The following DOC2B variants were observed in gnomAD, a reference collection of about 807,000 sequenced individuals.
DOC2B encodes the protein double C2-like domain-containing protein beta.
In DOC2B, 21 loss-of-function variants were observed where a neutral mutation model predicts 28.9. That is an observed-to-expected ratio of 0.73 (90% CI 0.52 to 1.05). The LOEUF (loss-of-function observed/expected upper bound fraction) is 1.05, where lower values mean the gene tolerates loss of function less well. Among genes scored for constraint, DOC2B ranks in the 50% least tolerant of loss-of-function variants. The probability of loss-of-function intolerance (pLI) is 0.00; values close to 1 mark genes in which losing one functional copy is unlikely to be tolerated. For synonymous variants in DOC2B, 194 were observed against 178.1 expected, an observed-to-expected ratio of 1.09 and a Z score of -0.71; for missense variants, 384 against 421.1, an observed-to-expected ratio of 0.91 and a Z score of 0.77.
At chr17:160,224 C>G (rs1228815852) in intron 5 of DOC2B, among the ~76,000 whole-genome samples, 1 of 152,146 alleles carries the variant, frequency 6.6e-6, no homozygotes, top group African/African-American at 2.4e-5. Context: ...CCTCATGACC[C>G]ACCTGCCTTG....
chr17:152,960 GC>G (rs1555521947), intron 6 of DOC2B, among the ~76,000 whole-genome samples: 1 of 152,064 alleles, frequency 6.6e-6, no homozygotes, highest in Non-Finnish European at 1.5e-5. Context: ...TCTAATCTGT[GC>G]CCTTATTTCC....
rs773979509 is a variant in DOC2B, at chr17:172,528, G to A, written c.453+9C>T. On this transcript the variant is annotated intron_variant, in intron 2 of 8. Transcript: ENST00000613549. ...GCAGGGAATTTGGGGGCAGGCTGGC[G>A]GGGCCTACCTTGGCCTTGGTGATGG... 2.4e-5 allele frequency: 37 copies of A among 1,549,774 alleles called. No homozygotes were observed. The highest frequency in any genetic ancestry group is 7.9e-5 in the Admixed American group (4 of 50,936).
rs2040025770 is a variant in DOC2B, at chr17:147,220, A to G, written c.*221T>C. ...TTCCACCACCGGCCTCTTGGGCCCC[A>G]GAGAGCTGAGAGCCCCCCACCCCAG... On this transcript the variant is annotated 3_prime_UTR_variant, in exon 9 of 9. Transcript: ENST00000613549. 5 of 389,630 alleles carry G rather than the reference A, an allele frequency of 1.3e-5. No individual in the cohort carries two copies. Among genetic ancestry groups the G allele is most frequent in the Middle Eastern group, 6.3e-4 (1 of 1,578 alleles). 24.1% of individuals were successfully genotyped at this position (389,630 alleles called of 1,614,324 possible).
rs947030970 is a variant in DOC2B at position 149,113 on chromosome 17, C to T, written c.1003G>A (p.Glu335Lys). 5 of 399,452 alleles carry T rather than the reference C, an allele frequency of 1.3e-5. No individual in the cohort carries two copies. Among genetic ancestry groups the T allele is most frequent in the African/African-American group, 4.1e-5 (2 of 48,604 alleles). The allele number at this position is 399,452 out of a possible 1,614,324, so 24.7% of individuals were successfully genotyped here. Residue 335 changes from glutamate (E) to lysine (K), a missense_variant and splice_region_variant, in exon 7 of 9, where the codon GAG (glutamate) becomes AAG (lysine). Transcript: ENST00000613549. Reference protein sequence around the residue: ...KKKTLNPEFNEEFCYEIKHGD... With the variant: ...KKKTLNPEFNKEFCYEIKHGD... ...GAAGCTTCACCAGCCCCTCATACCTCATTAAACTCCGGGTTCAGGGTTTTT... is the reference window on the plus strand; with the variant it reads ...GAAGCTTCACCAGCCCCTCATACCTTATTAAACTCCGGGTTCAGGGTTTTT...
chr17:162,391 C>A (rs1051041435), intron 3 of DOC2B, among the ~76,000 whole-genome samples: 2 of 151,972 alleles, frequency 1.3e-5, no homozygotes, highest in Admixed American at 6.6e-5. Context: ...GTTGGGTGGC[C>A]CAATGTGGTC....
chr17:166,023 C>T (rs893737343), intron 2 of DOC2B, among the ~76,000 whole-genome samples: 2 of 152,190 alleles, frequency 1.3e-5, no homozygotes, highest in Non-Finnish European at 2.9e-5. Flanking sequence ...CCCCGAGACA[C>T]CCGTGGGAGC....
chr17:180,101 G>A (rs572619116), intron 1 of DOC2B, among the ~76,000 whole-genome samples: 1 of 152,372 alleles, frequency 6.6e-6, no homozygotes, highest in African/African-American at 2.4e-5. Flanking sequence ...GCCACATCCC[G>A]GGAAGGGCTG....
chr17:161,414 C>A lies in DOC2B; in HGVS notation c.765+1G>T. 6.4e-7 allele frequency: 1 copy of A among 1,551,666 alleles called. No homozygotes were observed. The highest frequency in any genetic ancestry group is 8.7e-7 in the Non-Finnish European group (1 of 1,146,970). Reference sequence around the variant, plus strand: ...AGCAGGTGCTCAATCAATCCTCTCACCGGCAGCTGCTTCTCCAGGCAGATG... The same window carrying A: ...AGCAGGTGCTCAATCAATCCTCTCAACGGCAGCTGCTTCTCCAGGCAGATG... On this transcript the variant is annotated splice_donor_variant, in intron 5 of 8. Transcript: ENST00000613549. LOFTEE classifies it high-confidence loss of function.
At chr17:172,472 C>T in intron 2 of DOC2B, 65 bp downstream of exon 2, 2 of 1,398,744 alleles carry the variant, frequency 1.4e-6, no homozygotes, top group East Asian at 2.5e-5. Context: ...GGTCTGGCCT[C>T]CCTGACCTAG....
At chr17:163,588 G>A (rs1310315687) in intron 3 of DOC2B, 1 of 152,682 alleles carries the variant, frequency 6.5e-6, no homozygotes, top group Non-Finnish European at 1.5e-5. Flanking sequence ...TCCTGTCCGA[G>A]ATGCACCTGT....
Position 147,498 on chromosome 17 carries a change from G to A in DOC2B, c.1182C>T (p.Arg394=), listed in dbSNP as rs1366170641. The A allele has an allele frequency of 2.5e-6, 1 of 398,668 alleles. No homozygotes were observed. The highest frequency in any genetic ancestry group is 2.1e-5 in the African/African-American group (1 of 48,652). The allele number at this position is 398,668 out of a possible 1,614,324, so 24.7% of individuals were successfully genotyped here. The change falls in exon 9 of 9, where the codon CGC becomes CGT. Residue 394 remains arginine (R), a synonymous_variant. Transcript: ENST00000613549. ...TGGTGAGCGTGTGCCAGCGCTCGAT[G>A]CGCTTGTCCTTGTTCTTCAGGCAGT... The part of the protein sequence containing the change: ...WFDCLKNKDK[R]IERWHTLTSE...
chr17:181,441 G>T lies in DOC2B; in HGVS notation c.39C>A (p.Ser13Arg), dbSNP rs1389948746. Residue 13 changes from serine to arginine, a missense_variant, in exon 1 of 9, where the codon AGC (serine) becomes AGA (arginine). Transcript: ENST00000613549. This position sits in a 1 kb window ranked among gnomAD's most constrained non-coding sequence, Gnocchi z 7.0. Reference protein sequence around the residue: ...LRRRGEKATISIQEHMAIDVC... With the variant: ...LRRRGEKATIRIQEHMAIDVC... ...CGTCGATGGCCATATGCTCCTGGAT[G>T]CTGATGGTCGCCTTCTCCCCGCGCC... The T allele has an allele frequency of 1.2e-5, 14 of 1,161,934 alleles. No homozygotes were observed. Among genetic ancestry groups the T allele is most frequent in the Non-Finnish European group, 1.5e-5 (14 of 929,720 alleles). The allele number at this position is 1,161,934 out of a possible 1,614,324, so 72.0% of individuals were successfully genotyped here.
chr17:181,595 C>T lies in DOC2B; in HGVS notation c.-116G>A, dbSNP rs967607210. 2.2e-5 allele frequency: 8 copies of T among 371,324 alleles called. No individual in the cohort carries two copies. Among genetic ancestry groups the T allele is most frequent in the African/African-American group, 1.3e-4 (6 of 45,006 alleles). 23.0% of individuals were successfully genotyped at this position (371,324 alleles called of 1,614,324 possible). ...GGCTGCGGGCATCGCCGGCCGCGCCCCCGGACGGCCCTGACTTGGCCGCTG... is the reference window on the plus strand; with the variant it reads ...GGCTGCGGGCATCGCCGGCCGCGCCTCCGGACGGCCCTGACTTGGCCGCTG... On this transcript the variant is annotated 5_prime_UTR_variant, in exon 1 of 9. Transcript: ENST00000613549. This position sits in a 1 kb window ranked among gnomAD's most constrained non-coding sequence, Gnocchi z 7.0.
At position 181,088 on chromosome 17, in the gene DOC2B, C is replaced by A; in HGVS notation, c.373+19G>T. 1 of 1,236,452 alleles carries A rather than the reference C, an allele frequency of 8.1e-7. No homozygotes were observed. Among genetic ancestry groups the A allele is most frequent in the South Asian group, 3.1e-5 (1 of 31,844 alleles). 76.6% of individuals were successfully genotyped at this position (1,236,452 alleles called of 1,614,324 possible). ...CGAGCCAGGGGAGGGGGCGCGAAGTCGGCGCGTGGGAAACTTACTGCAGTC... is the reference window on the plus strand; with the variant it reads ...CGAGCCAGGGGAGGGGGCGCGAAGTAGGCGCGTGGGAAACTTACTGCAGTC... On this transcript the variant is annotated intron_variant, in intron 1 of 8. Coordinates refer to ENST00000613549, the MANE Select transcript of DOC2B (RefSeq NM_003585.5). The surrounding 1 kb of genome is among the most constrained non-coding windows in gnomAD (Gnocchi z 7.0).
At chr17:176,228 C>G (rs995742617) in intron 1 of DOC2B, among the ~76,000 whole-genome samples, 1 of 151,130 alleles carries the variant, frequency 6.6e-6, no homozygotes, top group African/African-American at 2.4e-5. Flanking sequence ...GGGTCTTGTT[C>G]TGTTACCCAG....
chr17:160,090 T>A lies in DOC2B; in HGVS notation c.765+1325A>T, dbSNP rs957592251. 2.0e-5 allele frequency among the ~76,000 whole-genome samples: 3 copies of A among 151,352 alleles called. No homozygotes were observed. In the South Asian group the frequency reaches 6.3e-4, roughly 32 times the overall value. ...ACCTCCGCCTCTCAGGTTCAAGCGA[T>A]TCTCCTGCCTCAGCCTCCTGAGTAG... On this transcript the variant is annotated intron_variant, in intron 5 of 8. Transcript: ENST00000613549.
intron 2 of DOC2B, among the ~76,000 whole-genome samples, chr17:170,077 T>C (rs2040294409): frequency 1.3e-5 from 2 of 151,822 alleles, no homozygotes; most frequent in African/African-American, 4.8e-5. Flanking sequence ...TTGGCCAGAG[T>C]GGCCTGGCAG....
intron 3 of DOC2B, chr17:163,870 T>A (rs2040231585): frequency 2.3e-6 from 1 of 430,632 alleles, no homozygotes. Flanking sequence ...TCTCCAGGGG[T>A]TTCCCCAGAT....
chr17:170,498 G>C (rs1276890249), intron 2 of DOC2B, among the ~76,000 whole-genome samples: 1 of 152,066 alleles, frequency 6.6e-6, no homozygotes, highest in South Asian at 2.1e-4. Context: ...GGGGCAGGGG[G>C]CCTGCAGGTT....
Sources: gnomAD v4.1 joint callset for allele counts (sites outside exome capture counted in the v4.1 genomes callset) on GRCh38, gnomAD v4.1.1 for gene constraint, Gnocchi (gnomAD v3.1) non-coding constraint, MANE v1.5 for transcripts, NCBI Gene and HGNC (gene_info 2026-07-23, HGNC 2026-07-21) for gene names.